VPS13C: variants seen among roughly 807,000 people sequenced by gnomAD.
VPS13C encodes the protein intermembrane lipid transfer protein VPS13C.
Under a neutral mutation model 456.8 loss-of-function variants are expected in VPS13C, and 358 were observed. That is an observed-to-expected ratio of 0.78 (90% CI 0.72 to 0.86). The LOEUF is 0.86. VPS13C is among the 40% of genes least tolerant of loss of function. The pLI, the probability that VPS13C is intolerant of heterozygous loss-of-function variation, is 0.00. For missense variants in VPS13C, 4,818 were observed against 4,385.4 expected (o/e 1.10, Z -2.79); for synonymous variants, 1,578 against 1,486.7 (o/e 1.06, Z -1.41).
intron 82 of VPS13C, among the ~76,000 whole-genome samples, chr15:61,861,995 G>A (rs1018267072): frequency 5.3e-5 from 8 of 152,188 alleles, no homozygotes; most frequent in Admixed American, 1.3e-4. Context: ...AGCTACTGGG[G>A]AGGCTGAGGC....
Position 61,915,656 on chromosome 15 carries a change from T to C in VPS13C, c.8422A>G (p.Lys2808Glu). 6.3e-7 allele frequency: 1 copy of C among 1,598,270 alleles called. No individual in the cohort carries two copies. Among genetic ancestry groups the C allele is most frequent in the Non-Finnish European group, 8.5e-7 (1 of 1,175,088 alleles). Reference protein sequence around the residue: ...RDIILFSFKKKNIFTKNKVQL... With the variant: ...RDIILFSFKKENIFTKNKVQL... ...ACCTTATTTTTAGTAAAAATGTTCT[T>C]CTTCTTGAAAGAAAATAAAATAATA... Residue 2808 changes from lysine to glutamate, a missense_variant, in exon 61 of 85, where the codon AAG becomes GAG. Lys to Glu is a moderately conservative substitution (Grantham distance 56). This residue lies in a region of VPS13C where 4,552 missense variants were observed against 4,130.6 expected (regional missense o/e 1.10). Coordinates refer to ENST00000644861, the MANE Select transcript of VPS13C (RefSeq NM_020821.3).
At chr15:61,922,366 T>A (rs1221703501) in intron 54 of VPS13C, 31 bp downstream of exon 54, 1 of 1,574,600 alleles carries the variant, frequency 6.4e-7, no homozygotes, top group South Asian at 1.2e-5. Flanking sequence ...TTTCAAGAAG[T>A]CTCTGAAGGT....
intron 2 of VPS13C, among the ~76,000 whole-genome samples, chr15:62,043,366 G>A (rs907753172): frequency 1.3e-5 from 2 of 152,202 alleles, no homozygotes; most frequent in Non-Finnish European, 2.9e-5. Flanking sequence ...AACACTTTGG[G>A]AGGCCAAGGC....
intron 46 of VPS13C, among the ~76,000 whole-genome samples, chr15:61,941,544 A>T (rs1041412473): frequency 3.9e-5 from 6 of 152,170 alleles, no homozygotes; most frequent in African/African-American, 1.4e-4. Flanking sequence ...TATAGAATGA[A>T]AAAAATCATA....
chr15:62,021,348 A>G (rs1210862155), intron 8 of VPS13C, among the ~76,000 whole-genome samples: 1 of 151,938 alleles, frequency 6.6e-6, no homozygotes, highest in African/African-American at 2.4e-5. Flanking sequence ...TTAAGCCTTT[A>G]ATGTTCTTAA....
chr15:61,896,657 C>A (rs939763102), intron 66 of VPS13C, among the ~76,000 whole-genome samples: 49 of 152,290 alleles, frequency 3.2e-4, no homozygotes, highest in East Asian at 9.6e-4. Context: ...AACTGCAAGG[C>A]GGCAGCGAGG....
chr15:61,982,623 T>C, intron 20 of VPS13C, 50 bp from the exon 21 acceptor site: 3 of 1,311,298 alleles, frequency 2.3e-6, no homozygotes, highest in Non-Finnish European at 3.2e-6. Context: ...GTTCTTTCCA[T>C]ATTGTAAACT....
chr15:61,991,313 A>C (rs868665732), intron 17 of VPS13C, among the ~76,000 whole-genome samples: 1 of 152,216 alleles, frequency 6.6e-6, no homozygotes, highest in African/African-American at 2.4e-5. Flanking sequence ...AAGGAAATTC[A>C]GTTCTAATAT....
At chr15:61,873,109 T>A in intron 78 of VPS13C, 137 bp downstream of exon 78, 1 of 1,339,076 alleles carries the variant, frequency 7.5e-7, no homozygotes, top group Non-Finnish European at 1.0e-6. Context: ...AAAAGGAAAC[T>A]GGGAAGTCCA....
At chr15:61,936,010 G>GA (rs984542223) in intron 48 of VPS13C, among the ~76,000 whole-genome samples, 25 of 151,956 alleles carry the variant, frequency 1.6e-4, no homozygotes, top group Non-Finnish European at 2.9e-4. Context: ...TTTAAATTAT[G>GA]AAAAAAGAGT....
intron 14 of VPS13C, 114 bp downstream of exon 14, chr15:62,008,541 T>A: frequency 1.8e-6 from 1 of 561,968 alleles, no homozygotes; most frequent in Non-Finnish European, 2.9e-6. Context: ...AATACTCTTG[T>A]CTCTTTTTTT....
intron 66 of VPS13C, 74 bp from the exon 67 acceptor site, chr15:61,890,474 G>A: frequency 7.7e-7 from 1 of 1,304,750 alleles, no homozygotes; most frequent in Non-Finnish European, 1.1e-6. Flanking sequence ...TATAATAACA[G>A]AAAGATTAGA....
intron 3 of VPS13C, 91 bp downstream of exon 3, chr15:62,041,233 T>G (rs762528953): frequency 1.4e-6 from 2 of 1,395,194 alleles, no homozygotes; most frequent in East Asian, 4.7e-5. Flanking sequence ...CTCTCACACT[T>G]TTAATCAAAG....
intron 74 of VPS13C, among the ~76,000 whole-genome samples, chr15:61,877,853 G>A (rs1895568536): frequency 1.3e-5 from 2 of 151,650 alleles, no homozygotes; most frequent in Admixed American, 1.3e-4. Context: ...TCCCTTTTGC[G>A]AATTATCTCC....
Position 61,961,738 on chromosome 15 carries a change from T to C in VPS13C, c.3759A>G (p.Pro1253=). ...CTGCATTGGTGGAAATAGAAGACTG[T>C]GGGATGACTATAACCGGTGCTTTCA... ...IDLKAPVIVI[P]QSSISTNAVV... is the part of the protein sequence containing the mutation. The change falls in exon 35 of 85, where the codon CCA becomes CCG. Residue 1253 remains proline (P), a synonymous_variant. Transcript: ENST00000644861. The C allele has an allele frequency of 6.2e-7, 1 of 1,614,048 alleles. No homozygotes were observed. The highest frequency in any genetic ancestry group is 8.5e-7 in the Non-Finnish European group (1 of 1,179,942).
chr15:62,012,139 G>A lies in VPS13C; in HGVS notation c.851C>T (p.Thr284Ile). ...ATAATTTGGGGGTATATTTCCACTTGTAAGAATTTCATTTTTCAGCTGATC... is the reference window on the plus strand; with the variant it reads ...ATAATTTGGGGGTATATTTCCACTTATAAGAATTTCATTTTTCAGCTGATC... ...ILDQLKNEILTSGNIPPNYQY... is the reference protein window; with the variant it reads ...ILDQLKNEILISGNIPPNYQY... The change falls in exon 12 of 85, where the codon ACA (threonine) becomes ATA (isoleucine). Residue 284 changes from threonine to isoleucine, a missense_variant. By Grantham distance (89) the Thr-to-Ile change is moderately conservative. Coordinates refer to ENST00000644861, the MANE Select transcript of VPS13C (RefSeq NM_020821.3). 6.5e-7 allele frequency: 1 copy of A among 1,542,344 alleles called. No individual in the cohort carries two copies. Among genetic ancestry groups the A allele is most frequent in the Non-Finnish European group, 8.9e-7 (1 of 1,120,930 alleles).
chr15:61,959,560 A>G lies in VPS13C; in HGVS notation c.3944T>C (p.Ile1315Thr), dbSNP rs2045124886. ...VIQPGIYHPDIQLLHPINLEF... is the reference protein window; with the variant it reads ...VIQPGIYHPDTQLLHPINLEF... Reference sequence around the variant, plus strand: ...CAAGTTAATTGGGTGCAACAGCTGAATATCAGGATGGTAGATGCCTGGCTG... The same window carrying G: ...CAAGTTAATTGGGTGCAACAGCTGAGTATCAGGATGGTAGATGCCTGGCTG... The change falls in exon 36 of 85, where the codon ATT becomes ACT. Residue 1315 changes from isoleucine (I) to threonine (T), a missense_variant. Coordinates refer to ENST00000644861, the MANE Select transcript of VPS13C (RefSeq NM_020821.3). 1.9e-6 allele frequency: 3 copies of G among 1,613,320 alleles called. No individual in the cohort carries two copies. Among genetic ancestry groups the G allele is most frequent in the Non-Finnish European group, 1.7e-6 (2 of 1,179,474 alleles).
At position 61,884,187 on chromosome 15, in the gene VPS13C, A is replaced by G; in HGVS notation, c.9424T>C (p.Tyr3142His). The change falls in exon 68 of 85, where the codon TAT becomes CAT. Residue 3142 changes from tyrosine to histidine, a missense_variant. Transcript: ENST00000644861. ...TCTCTTGATATTTGATGTTTCTGAT[A>G]GGATTGTTCCAATAAGATTATCTGC... ...QKQIILLEQS[Y>H]QKHQISRDHG... is the part of the protein sequence containing the mutation. 6.2e-7 allele frequency: 1 copy of G among 1,610,342 alleles called. No individual in the cohort carries two copies. The highest frequency in any genetic ancestry group is 8.5e-7 in the Non-Finnish European group (1 of 1,178,558).
In VPS13C at chr15:61,922,503, C is replaced by A; in HGVS notation, c.6869G>T (p.Gly2290Val). 2 of 1,614,044 alleles carry A rather than the reference C, an allele frequency of 1.2e-6. No homozygotes were observed. Among genetic ancestry groups the A allele is most frequent in the South Asian group, 1.1e-5 (1 of 91,070 alleles). The part of the protein sequence containing the change: ...VESIQVTLEC[G>V]LGHRTVPLLL... ...TAAAGGTACAGTTCGATGTCCAAGG[C>A]CACATTCTAAGGTAACTTGAATGGA... The change falls in exon 54 of 85, where the codon GGC (glycine) becomes GTC (valine). Residue 2290 changes from glycine to valine, a missense_variant. Gly to Val is a moderately radical substitution (Grantham distance 109). Coordinates refer to ENST00000644861, the MANE Select transcript of VPS13C (RefSeq NM_020821.3).
Sources: gnomAD v4.1 joint callset for allele counts (sites outside exome capture counted in the v4.1 genomes callset) on GRCh38, gnomAD v4.1.1 for gene constraint, gnomAD v4.1.1 regional missense constraint, MANE v1.5 for transcripts, NCBI Gene and HGNC (gene_info 2026-07-23, HGNC 2026-07-21) for gene names.